CTNNBL1: variants seen among roughly 807,000 people sequenced by gnomAD.
CTNNBL1 encodes beta-catenin-like protein 1.
CTNNBL1 carries 31 observed loss-of-function variants against 72.7 expected under a neutral mutation model. The ratio of observed to expected loss-of-function variants is 0.43; its 90% CI spans 0.32 to 0.58. CTNNBL1 has a LOEUF of 0.58. Ranked by LOEUF, CTNNBL1 falls within the 20% of genes least tolerant of loss-of-function variation. The probability of loss-of-function intolerance (pLI) is 0.08; values close to 1 mark genes in which losing one functional copy is unlikely to be tolerated. For missense variants in CTNNBL1, 534 were observed against 725.1 expected (o/e 0.74, Z 3.03); for synonymous variants, 240 against 267.3 (o/e 0.90, Z 1.00).
chr20:37,826,955 G>A (rs1370933669), intron 11 of CTNNBL1, among the ~76,000 whole-genome samples: 1 of 152,174 alleles, frequency 6.6e-6, no homozygotes, highest in Admixed American at 6.5e-5. Context: ...GATACAGAAC[G>A]TTCCCACCAC....
At chr20:37,775,631 A>ATTAAATTTAATTC (rs2073567249) in intron 7 of CTNNBL1, among the ~76,000 whole-genome samples, 2 of 152,176 alleles carry the variant, frequency 1.3e-5, no homozygotes, top group Non-Finnish European at 2.9e-5. Context: ...ATTCAGTGTA[A>ATTAAATTTAATTC]GGTTTTTAAA....
intron 10 of CTNNBL1, among the ~76,000 whole-genome samples, chr20:37,785,479 T>C (rs1747711713): frequency 6.6e-6 from 1 of 152,206 alleles, no homozygotes; most frequent in South Asian, 2.1e-4. Flanking sequence ...TGTCTTTGAC[T>C]GTATTTTCAA....
Position 37,858,002 on chromosome 20 carries a change from G to A in CTNNBL1, c.1393-1897G>A, listed in dbSNP as rs146202538. 1.5e-3 allele frequency among the ~76,000 whole-genome samples: 235 copies of A among 152,228 alleles called. 1 individual carries two copies. In the Middle Eastern group the frequency reaches 0.017, roughly 11 times the overall value. ...ACCTAGGAGCTCAAAGAACAGCCGA[G>A]GCAACATAGTGAGACCCTGTCTCTA... On this transcript the variant is annotated intron_variant, in intron 13 of 15. Transcript: ENST00000361383.
At chr20:37,736,321 G>A (rs1311900037) in intron 2 of CTNNBL1, among the ~76,000 whole-genome samples, 2 of 152,118 alleles carry the variant, frequency 1.3e-5, no homozygotes, top group Non-Finnish European at 2.9e-5. Flanking sequence ...TTGGCTCATG[G>A]GCTGCAGTTT....
chr20:37,856,381 G>C (rs1451608264), intron 13 of CTNNBL1, among the ~76,000 whole-genome samples: 10 of 152,122 alleles, frequency 6.6e-5, no homozygotes, highest in Non-Finnish European at 1.3e-4. Context: ...CAAATCCAGG[G>C]TGTAGGGGGT....
intron 11 of CTNNBL1, among the ~76,000 whole-genome samples, chr20:37,831,237 T>G (rs1282431508): frequency 2.6e-5 from 4 of 152,244 alleles, no homozygotes; most frequent in Non-Finnish European, 5.9e-5. Context: ...TAGCCACTCC[T>G]ACTCAGGCCC....
At chr20:37,763,065 T>C (rs2073432608) in intron 5 of CTNNBL1, among the ~76,000 whole-genome samples, 1 of 152,086 alleles carries the variant, frequency 6.6e-6, no homozygotes, top group Non-Finnish European at 1.5e-5. Flanking sequence ...CAATAAGCAA[T>C]TGAAATTGGT....
At chr20:37,846,295 A>G (rs79103165) in intron 13 of CTNNBL1, among the ~76,000 whole-genome samples, 1,711 of 152,218 alleles carry the variant, frequency 0.011, 15 homozygotes, top group Non-Finnish European at 0.02. Flanking sequence ...AGCAGTGGGA[A>G]GCCAAGTGAA....
At chr20:37,830,032 T>A (rs1420113227) in intron 11 of CTNNBL1, among the ~76,000 whole-genome samples, 1 of 152,066 alleles carries the variant, frequency 6.6e-6, no homozygotes, top group East Asian at 1.9e-4. Context: ...AGAGTTTCAC[T>A]GTGTTGCCTA....
chr20:37,805,045 C>G (rs1407023713), intron 11 of CTNNBL1, among the ~76,000 whole-genome samples: 1 of 152,268 alleles, frequency 6.6e-6, no homozygotes, highest in Non-Finnish European at 1.5e-5. Flanking sequence ...CCTGCCACCC[C>G]TGCCAGCTGC....
chr20:37,796,057 G>A (rs1421743931), intron 10 of CTNNBL1, among the ~76,000 whole-genome samples: 1 of 152,018 alleles, frequency 6.6e-6, no homozygotes, highest in Non-Finnish European at 1.5e-5. Context: ...ATAATGCCTC[G>A]CTACTGAAGC....
At chr20:37,850,643 T>G (rs1470068598) in intron 13 of CTNNBL1, among the ~76,000 whole-genome samples, 2 of 132,860 alleles carry the variant, frequency 1.5e-5, no homozygotes, top group Non-Finnish European at 3.3e-5. Flanking sequence ...TGCCCTATTT[T>G]AGAAGCTTTT....
chr20:37,797,655 G>A (rs1012471170), intron 10 of CTNNBL1, among the ~76,000 whole-genome samples: 14 of 152,004 alleles, frequency 9.2e-5, no homozygotes, highest in Non-Finnish European at 1.6e-4. Flanking sequence ...TCAACCCTTC[G>A]CACCCCCGCC....
At chr20:37,762,501 A>G (rs6122978) in intron 5 of CTNNBL1, among the ~76,000 whole-genome samples, 43,481 of 152,084 alleles carry the variant, frequency 0.29, 7,504 homozygotes, top group South Asian at 0.41. Flanking sequence ...GATGCCTGCT[A>G]ACAATCAGAA....
rs544851979 is a variant in CTNNBL1 at position 37,717,931 on chromosome 20, C to G, written c.31-14948C>G. Reference sequence around the variant, plus strand: ...GGGAGCACAGGGTTGGGGGTAAGGTCACAGATCAACAGGATCCCAAGGCAG... The same window carrying G: ...GGGAGCACAGGGTTGGGGGTAAGGTGACAGATCAACAGGATCCCAAGGCAG... On this transcript the variant is annotated intron_variant, in intron 1 of 15. Coordinates refer to ENST00000361383, the MANE Select transcript of CTNNBL1 (RefSeq NM_030877.5). Among the ~76,000 whole-genome samples the G allele has an allele frequency of 3.3e-5, 5 of 152,282 alleles. No homozygotes were observed. The South Asian group carries it at 1.0e-3, about 32-fold the overall frequency.
chr20:37,752,695 A>G (rs2073331137), intron 4 of CTNNBL1, among the ~76,000 whole-genome samples: 1 of 152,104 alleles, frequency 6.6e-6, no homozygotes, highest in Non-Finnish European at 1.5e-5. Context: ...ATAGAAGTAA[A>G]CACCACTCTT....
intron 4 of CTNNBL1, chr20:37,750,567 T>C (rs2073309977): frequency 6.6e-6 from 1 of 152,212 alleles, no homozygotes. Flanking sequence ...AAAATCCATT[T>C]TTGTGGACTG....
At chr20:37,756,659 A>T (rs2073367526) in intron 4 of CTNNBL1, among the ~76,000 whole-genome samples, 1 of 120,486 alleles carries the variant, frequency 8.3e-6, no homozygotes, top group Admixed American at 1.0e-4. Flanking sequence ...TTTCTTTGAG[A>T]CAGGGTCTCA....
At chr20:37,789,771 C>G (rs1350411683) in intron 10 of CTNNBL1, among the ~76,000 whole-genome samples, 1 of 152,172 alleles carries the variant, frequency 6.6e-6, no homozygotes, top group African/African-American at 2.4e-5. Flanking sequence ...CAGAATACTT[C>G]AATGTTCTGT....
Sources: allele counts gnomAD v4.1 joint callset (sites outside exome capture counted in the v4.1 genomes callset), GRCh38; gene constraint gnomAD v4.1.1; transcripts MANE v1.5; gene names NCBI Gene and HGNC (gene_info 2026-07-23, HGNC 2026-07-21).